The following STRN3 variants were observed in gnomAD, a reference collection of about 807,000 sequenced individuals.
STRN3 encodes the protein striatin 3.
A neutral mutation model predicts 95.6 loss-of-function variants in STRN3; 29 were observed. That is an observed-to-expected ratio of 0.30 (90% CI 0.23 to 0.41). The LOEUF (loss-of-function observed/expected upper bound fraction) is 0.41. Ranked by LOEUF, STRN3 falls within the 10% of genes least tolerant of loss-of-function variation. The probability of loss-of-function intolerance (pLI) is 1.00; values close to 1 mark genes in which losing one functional copy is unlikely to be tolerated. For synonymous variants in STRN3, 331 were observed against 357.6 expected (o/e 0.93, Z 0.84); for missense variants, 890 against 972.1 (o/e 0.92, Z 1.12).
chr14:30,913,526 C>T lies in STRN3; in HGVS notation c.1372G>A (p.Asp458Asn). Residue 458 changes from aspartate to asparagine, a missense_variant and splice_region_variant, in exon 10 of 18, where the codon GAT becomes AAT. Physicochemically the swap from Asp to Asn is conservative, Grantham distance 23. This residue lies in a region of STRN3 where 357 missense variants were observed against 422.8 expected (regional missense o/e 0.84). Coordinates refer to ENST00000357479, the MANE Select transcript of STRN3 (RefSeq NM_001083893.2). ...ATTAAAAATAAAACTGCACTTACAT[C>T]ATAACTATAGTCTGCATCATTTGTT... is the stretch of plus-strand genomic sequence containing the variant. ...TVTNDADYSYDLPANKDAFRK... is the reference protein window; with the variant it reads ...TVTNDADYSYNLPANKDAFRK... The T allele has an allele frequency of 6.3e-7, 1 of 1,598,204 alleles. No homozygotes were observed. The highest frequency in any genetic ancestry group is 8.5e-7 in the Non-Finnish European group (1 of 1,173,566).
At chr14:30,900,958 TCAC>T (rs1896298572) in intron 16 of STRN3, among the ~76,000 whole-genome samples, 1 of 152,206 alleles carries the variant, frequency 6.6e-6, no homozygotes, top group Non-Finnish European at 1.5e-5. Context: ...TTTCAGATGC[TCAC>T]CTTTTGCTTT....
At chr14:30,929,954 CAA>C (rs1191963792) in intron 7 of STRN3, among the ~76,000 whole-genome samples, 21 of 39,998 alleles carry the variant, frequency 5.3e-4, no homozygotes, top group Admixed American at 6.5e-4. Context: ...CTAAGATTAG[CAA>C]AAAAAAAAAA....
intron 5 of STRN3, 64 bp from the exon 6 acceptor site, chr14:30,936,688 GT>G: frequency 6.5e-7 from 1 of 1,535,364 alleles, no homozygotes; most frequent in Middle Eastern, 1.8e-4. Flanking sequence ...TTTCTTTCTG[GT>G]TCCCATTTTA....
chr14:30,998,604 A>G (rs1882309683), intron 1 of STRN3, among the ~76,000 whole-genome samples: 1 of 152,238 alleles, frequency 6.6e-6, no homozygotes. Context: ...CCCCCTGGCA[A>G]AGACCAGAGG....
In STRN3 at chr14:30,903,231, G is replaced by A. The variant is rs553148200; in HGVS notation, c.2030-588C>T. 3.3e-5 allele frequency among the ~76,000 whole-genome samples: 5 copies of A among 151,620 alleles called. No homozygotes were observed. The East Asian group carries it at 7.7e-4, about 23-fold the overall frequency. Reference sequence around the variant, plus strand: ...AGATCATTCATTCTGCTTATGTATCGCAACTCATATATTACACCTAAACAT... The same window carrying A: ...AGATCATTCATTCTGCTTATGTATCACAACTCATATATTACACCTAAACAT... On this transcript the variant is annotated intron_variant, in intron 15 of 17. Coordinates refer to ENST00000357479, the MANE Select transcript of STRN3 (RefSeq NM_001083893.2).
At chr14:31,020,788 C>T (rs1883467425) in intron 1 of STRN3, among the ~76,000 whole-genome samples, 1 of 152,106 alleles carries the variant, frequency 6.6e-6, no homozygotes, top group Non-Finnish European at 1.5e-5. Context: ...TGTCTGTAGT[C>T]CCACCTACTC....
chr14:30,956,238 C>T lies in STRN3; in HGVS notation c.287G>A (p.Arg96Gln), dbSNP rs200133118. Residue 96 changes from arginine to glutamine, a missense_variant, in exon 2 of 18, where the codon CGG (arginine) becomes CAG (glutamine). Arg to Gln is a conservative substitution (Grantham distance 43, BLOSUM62 1). Coordinates refer to ENST00000357479, the MANE Select transcript of STRN3 (RefSeq NM_001083893.2). ...TCTTTCGCCTTGTAGAAATGCAATCCGGGCCTAAAAATATAAAAGATGCAT... is the reference window on the plus strand; with the variant it reads ...TCTTTCGCCTTGTAGAAATGCAATCTGGGCCTAAAAATATAAAAGATGCAT... ...WEVERAELQA[R>Q]IAFLQGERKG... 468 of 1,612,892 alleles carry T rather than the reference C, an allele frequency of 2.9e-4. 9 individuals carry two copies. The Middle Eastern group carries it at 0.011, about 38-fold the overall frequency.
chr14:30,994,613 CTAAA>C (rs1034927084), intron 1 of STRN3, among the ~76,000 whole-genome samples: 1 of 151,818 alleles, frequency 6.6e-6, no homozygotes, highest in African/African-American at 2.4e-5. Flanking sequence ...AAACTAAAAA[CTAAA>C]TATAAAACTT....
At chr14:30,933,287 A>AC (rs1243270043) in intron 7 of STRN3, among the ~76,000 whole-genome samples, 1 of 149,836 alleles carries the variant, frequency 6.7e-6, no homozygotes, top group African/African-American at 2.4e-5. Context: ...TCATAAAAAA[A>AC]AAAAAAAAAA....
At chr14:30,922,000 C>T (rs1408964625) in intron 8 of STRN3, among the ~76,000 whole-genome samples, 1 of 152,034 alleles carries the variant, frequency 6.6e-6, no homozygotes, top group Non-Finnish European at 1.5e-5. Context: ...GATCCTTCCG[C>T]CTCAGCCTGC....
At chr14:31,020,786 GTCCCACCTAC>G (rs1484329097) in intron 1 of STRN3, among the ~76,000 whole-genome samples, 1 of 152,078 alleles carries the variant, frequency 6.6e-6, no homozygotes, top group East Asian at 1.9e-4. Flanking sequence ...CATGTCTGTA[GTCCCACCTAC>G]TCGGGAGGCT....
At position 30,998,304 on chromosome 14, in the gene STRN3, C is replaced by T. The variant is rs1594561733; in HGVS notation, c.282+27600G>A. ...AAACAACTGTCTAATATTGTGGCTG[C>T]CTGAGGTATAAGATAATATTTGAGG... On this transcript the variant is annotated intron_variant, in intron 1 of 17. Coordinates refer to ENST00000357479, the MANE Select transcript of STRN3 (RefSeq NM_001083893.2). Among the ~76,000 whole-genome samples, 8 of 152,194 alleles carry T rather than the reference C, an allele frequency of 5.3e-5. 1 individual carries two copies. The South Asian group carries it at 1.7e-3, about 32-fold the overall frequency.
At chr14:30,982,127 A>AG (rs1420455166) in intron 1 of STRN3, among the ~76,000 whole-genome samples, 2 of 147,422 alleles carry the variant, frequency 1.4e-5, no homozygotes, top group African/African-American at 2.5e-5. Flanking sequence ...AAGAATTCCA[A>AG]GGGGAAAAAA....
At chr14:30,996,129 A>C (rs1446274743) in intron 1 of STRN3, among the ~76,000 whole-genome samples, 1 of 152,194 alleles carries the variant, frequency 6.6e-6, no homozygotes, top group East Asian at 1.9e-4. Flanking sequence ...CTCCCATAAC[A>C]AACTTCACGC....
chr14:30,957,468 A>AAAAAAAAGAG (rs1555320671), intron 1 of STRN3, among the ~76,000 whole-genome samples: 1 of 139,112 alleles, frequency 7.2e-6, no homozygotes. Context: ...AAAAAAAAAA[A>AAAAAAAAGAG]AGAGAGAGAG....
intron 1 of STRN3, 117 bp downstream of exon 1, chr14:31,025,787 G>C (rs1883832113): frequency 7.2e-7 from 1 of 1,397,742 alleles, no homozygotes; most frequent in African/African-American, 1.4e-5. Context: ...GAGCAGCACA[G>C]GTAGGTTCCG....
chr14:31,026,364 A>C lies in STRN3; in HGVS notation c.-179T>G. 4.1e-6 allele frequency: 2 copies of C among 486,940 alleles called. No homozygotes were observed. Among genetic ancestry groups the C allele is most frequent in the Admixed American group, 4.7e-5 (1 of 21,108 alleles). 30.2% of individuals were successfully genotyped at this position (486,940 alleles called of 1,614,324 possible). The stretch of plus-strand genomic sequence containing the variant: ...GGGAGCTGCCGGCTGCCGCCATTAC[A>C]ATCCCTCCTCCATCTGCCCGTCTCA... On this transcript the variant is annotated 5_prime_UTR_variant, in exon 1 of 18. The change creates a new upstream start codon in the 5' untranslated region. Transcript: ENST00000357479.
chr14:30,907,166 A>G, intron 13 of STRN3, 122 bp from the exon 14 acceptor site: 1 of 1,114,554 alleles, frequency 9.0e-7, no homozygotes. Flanking sequence ...ACAAGAAGAT[A>G]AACTAAAGTG....
intron 1 of STRN3, among the ~76,000 whole-genome samples, chr14:31,012,176 T>G (rs1763924832): frequency 6.6e-6 from 1 of 152,260 alleles, no homozygotes; most frequent in Non-Finnish European, 1.5e-5. Context: ...TGTCATATTG[T>G]TACCCTTATC....
Sources: allele counts gnomAD v4.1 joint callset (sites outside exome capture counted in the v4.1 genomes callset), GRCh38; gene constraint gnomAD v4.1.1; regional missense constraint gnomAD v4.1.1; transcripts MANE v1.5; gene names NCBI Gene and HGNC (gene_info 2026-07-23, HGNC 2026-07-21).